GTF2F2: variants seen among roughly 807,000 people sequenced by gnomAD.
GTF2F2 encodes ATP-dependent helicase GTF2F2.
GTF2F2 carries 23 observed loss-of-function variants against 42.2 expected under a neutral mutation model. The ratio of observed to expected loss-of-function variants is 0.55; its 90% CI spans 0.39 to 0.77. The LOEUF is 0.77. Ranked by LOEUF, GTF2F2 falls within the 30% of genes least tolerant of loss-of-function variation. The pLI is 0.00. For synonymous variants in GTF2F2, 105 were observed against 100.8 expected (o/e 1.04, Z -0.25); for missense variants, 261 against 287.2 (o/e 0.91, Z 0.66).
At chr13:45,273,654 A>ATTTTTT (rs1331934269) in intron 7 of GTF2F2, among the ~76,000 whole-genome samples, 1 of 110,830 alleles carries the variant, frequency 9.0e-6, no homozygotes, top group Non-Finnish European at 1.8e-5. Context: ...AGAGTGGTAA[A>ATTTTTT]ATTTTTTTTT....
At chr13:45,255,063 A>G (rs1244450825) in intron 6 of GTF2F2, among the ~76,000 whole-genome samples, 2 of 147,764 alleles carry the variant, frequency 1.4e-5, no homozygotes, top group Non-Finnish European at 3.0e-5. Context: ...GCCACTCGGG[A>G]GGTGAGGCAG....
At position 45,191,224 on chromosome 13, in the gene GTF2F2, A is replaced by AAATAT; in HGVS notation, c.305-16199_305-16198insATATA. Among the ~76,000 whole-genome samples, 12 of 75,316 alleles carry AAATAT rather than the reference A, an allele frequency of 1.6e-4. No individual in the cohort carries two copies. In the East Asian group the frequency reaches 1.8e-3, roughly 11 times the overall value. The allele number at this position is 75,316 out of a possible 152,430, so 49.4% of individuals were successfully genotyped here. ...GTCTCTACTAAAAATACAAAAAAAA[A>AAATAT]ATATATATATATATATATATATATA... On this transcript the variant is annotated intron_variant, in intron 4 of 7. Transcript: ENST00000340473.
intron 4 of GTF2F2, among the ~76,000 whole-genome samples, chr13:45,190,638 T>C (rs909698373): frequency 2.0e-5 from 3 of 152,212 alleles, no homozygotes; most frequent in Admixed American, 6.5e-5. Context: ...AGAGAATGTA[T>C]GTTCCTAGCA....
chr13:45,227,404 T>C (rs1005390095), intron 5 of GTF2F2, among the ~76,000 whole-genome samples: 1 of 152,234 alleles, frequency 6.6e-6, no homozygotes, highest in Admixed American at 6.5e-5. Flanking sequence ...AAATTCAGCA[T>C]TGAAGAACCT....
intron 5 of GTF2F2, among the ~76,000 whole-genome samples, chr13:45,210,135 T>G (rs1386271395): frequency 6.6e-6 from 1 of 152,196 alleles, no homozygotes; most frequent in Non-Finnish European, 1.5e-5. Context: ...TCTTTTCAAG[T>G]GTCACTTGCA....
intron 4 of GTF2F2, among the ~76,000 whole-genome samples, chr13:45,158,429 T>C (rs768804947): frequency 2.1e-4 from 32 of 152,196 alleles, no homozygotes; most frequent in Non-Finnish European, 4.1e-4. Context: ...GGTATGTCAT[T>C]ATCAGCAGTG....
At chr13:45,244,166 A>G (rs549638977) in intron 5 of GTF2F2, among the ~76,000 whole-genome samples, 3 of 152,144 alleles carry the variant, frequency 2.0e-5, no homozygotes, top group African/African-American at 7.2e-5. Flanking sequence ...CTGTGTGTGT[A>G]TAGAATTGTA....
intron 6 of GTF2F2, among the ~76,000 whole-genome samples, chr13:45,256,201 T>C (rs1461897228): frequency 6.6e-6 from 1 of 152,084 alleles, no homozygotes; most frequent in African/African-American, 2.4e-5. Flanking sequence ...GCCTGAATTG[T>C]TGGTAAGCAA....
intron 4 of GTF2F2, among the ~76,000 whole-genome samples, chr13:45,187,719 A>G (rs1182979592): frequency 6.6e-6 from 1 of 152,228 alleles, no homozygotes; most frequent in Non-Finnish European, 1.5e-5. Context: ...CTAAATACAA[A>G]TGATTTCTAA....
At chr13:45,243,306 A>ACAT (rs1275182528) in intron 5 of GTF2F2, among the ~76,000 whole-genome samples, 1 of 152,198 alleles carries the variant, frequency 6.6e-6, no homozygotes, top group Non-Finnish European at 1.5e-5. Flanking sequence ...GGGCAAGTGA[A>ACAT]CATTACTGCC....
chr13:45,213,704 T>C (rs1413399370), intron 5 of GTF2F2, among the ~76,000 whole-genome samples: 1 of 152,114 alleles, frequency 6.6e-6, no homozygotes, highest in African/African-American at 2.4e-5. Context: ...TCCAAAAGTA[T>C]TTATTGGATT....
At chr13:45,125,931 C>A (rs1868970853) in intron 1 of GTF2F2, among the ~76,000 whole-genome samples, 1 of 152,184 alleles carries the variant, frequency 6.6e-6, no homozygotes, top group Non-Finnish European at 1.5e-5. Context: ...GAGCTGTCCT[C>A]CTGTCCCAGC....
intron 5 of GTF2F2, among the ~76,000 whole-genome samples, chr13:45,214,973 A>AT (rs1202857564): frequency 1.3e-5 from 2 of 150,130 alleles, no homozygotes; most frequent in Non-Finnish European, 1.5e-5. Context: ...GTGTTTGTGG[A>AT]TTTTTTCCAA....
intron 4 of GTF2F2, among the ~76,000 whole-genome samples, chr13:45,196,028 G>C (rs186527172): frequency 2.0e-3 from 308 of 152,222 alleles, no homozygotes; most frequent in African/African-American, 7.2e-3. Flanking sequence ...TTAACTGTAT[G>C]TTGACATAGG....
intron 5 of GTF2F2, among the ~76,000 whole-genome samples, chr13:45,238,251 G>A (rs571014258): frequency 1.3e-5 from 2 of 152,144 alleles, no homozygotes; most frequent in East Asian, 1.9e-4. Flanking sequence ...CACCACGCCC[G>A]GCCTGAAAAG....
At chr13:45,253,400 A>C (rs1356325289) in intron 6 of GTF2F2, among the ~76,000 whole-genome samples, 2 of 152,174 alleles carry the variant, frequency 1.3e-5, no homozygotes, top group East Asian at 3.8e-4. Context: ...GAACAGCAGT[A>C]ATTTTTCTCA....
intron 5 of GTF2F2, among the ~76,000 whole-genome samples, chr13:45,233,227 G>A (rs1481560718): frequency 6.6e-6 from 1 of 152,028 alleles, no homozygotes; most frequent in African/African-American, 2.4e-5. Flanking sequence ...ATTCTAGCCT[G>A]GGCAGCATCG....
At chr13:45,147,954 A>T (rs970214145) in intron 2 of GTF2F2, among the ~76,000 whole-genome samples, 12 of 152,128 alleles carry the variant, frequency 7.9e-5, no homozygotes, top group African/African-American at 2.9e-4. Context: ...TTTTGTTGTT[A>T]TGGCAAGATA....
intron 4 of GTF2F2, among the ~76,000 whole-genome samples, chr13:45,168,226 G>A (rs1235794815): frequency 6.6e-6 from 1 of 152,208 alleles, no homozygotes; most frequent in Non-Finnish European, 1.5e-5. Context: ...GATGCCCCAG[G>A]TGCTGTCAGT....
Sources: gnomAD v4.1 joint callset for allele counts (sites outside exome capture counted in the v4.1 genomes callset) on GRCh38, gnomAD v4.1.1 for gene constraint, MANE v1.5 for transcripts, NCBI Gene and HGNC (gene_info 2026-07-23, HGNC 2026-07-21) for gene names.